ARMC2: variants seen among roughly 807,000 people sequenced by gnomAD.
ARMC2 encodes the protein armadillo repeat containing 2.
ARMC2 carries 67 observed loss-of-function variants against 90.3 expected under a neutral mutation model. That is an observed-to-expected ratio of 0.74 (90% CI 0.61 to 0.91). The LOEUF is 0.91. Among genes scored for constraint, ARMC2 ranks in the 40% least tolerant of loss-of-function variants. ARMC2 has a pLI of 0.00. For synonymous variants in ARMC2, 393 were observed against 393.0 expected (o/e 1.00, Z 0.00); for missense variants, 920 against 1,030.9 (o/e 0.89, Z 1.47).
chr6:108,942,176 C>T (rs140962297), intron 12 of ARMC2, among the ~76,000 whole-genome samples: 1 of 152,306 alleles, frequency 6.6e-6, no homozygotes, highest in East Asian at 1.9e-4. Context: ...AAAGTAAGCT[C>T]ATAAGTGCTG....
At chr6:108,885,937 T>C (rs1778054610) in intron 5 of ARMC2, among the ~76,000 whole-genome samples, 2 of 152,236 alleles carry the variant, frequency 1.3e-5, no homozygotes, top group East Asian at 1.9e-4. Flanking sequence ...TTTTACCTAT[T>C]GTCCATGGCC....
chr6:109,032,344 C>T, the ARMC2 span, among the ~76,000 whole-genome samples: 5 of 152,212 alleles, frequency 3.3e-5, no homozygotes, highest in African/African-American at 9.6e-5. Flanking sequence ...TAAGGCTGGG[C>T]GCAGTGGCTC....
chr6:108,985,833 T>TATTC, the ARMC2 span, among the ~76,000 whole-genome samples: 1 of 152,364 alleles, frequency 6.6e-6, no homozygotes, highest in African/African-American at 2.4e-5. Flanking sequence ...GCATGATGCA[T>TATTC]ATTCAATGAG....
the ARMC2 span, chr6:108,998,852 TCATA>T: frequency 2.2e-6 from 3 of 1,372,344 alleles, no homozygotes; most frequent in Non-Finnish European, 2.9e-6. Flanking sequence ...ACATGAGTCA[TCATA>T]CAAAGCCTAG....
chr6:109,008,868 G>A, the ARMC2 span: 6 of 985,882 alleles, frequency 6.1e-6, no homozygotes, highest in Non-Finnish European at 7.2e-6. Context: ...TCTTCCCTGA[G>A]TCAAATGTGT....
the ARMC2 span, chr6:108,988,522 T>C: frequency 6.3e-7 from 1 of 1,583,298 alleles, no homozygotes; most frequent in East Asian, 2.3e-5. Context: ...ACAAAGTAAA[T>C]AAGCCACAAT....
At chr6:109,027,337 C>T in the ARMC2 span, among the ~76,000 whole-genome samples, 1 of 151,646 alleles carries the variant, frequency 6.6e-6, no homozygotes, top group Non-Finnish European at 1.5e-5. Context: ...TTTAGCCAGA[C>T]TTGGTGGCAT....
At chr6:108,912,226 T>C (rs1773509599) in intron 9 of ARMC2, 109 bp from the exon 10 acceptor site, 1 of 802,436 alleles carries the variant, frequency 1.2e-6, no homozygotes, top group Admixed American at 3.1e-5. Context: ...ATGTAGATTT[T>C]GATAAATATA....
chr6:108,966,432 A>G (rs1003153915), intron 17 of ARMC2, among the ~76,000 whole-genome samples: 1 of 152,212 alleles, frequency 6.6e-6, no homozygotes, highest in African/African-American at 2.4e-5. Flanking sequence ...TGCCTGCTGC[A>G]TAGCAAGTCC....
chr6:108,987,346 C>A, the ARMC2 span: 1 of 483,294 alleles, frequency 2.1e-6, no homozygotes, highest in Non-Finnish European at 3.7e-6. Context: ...CTTCACAGCT[C>A]TAAACTTGAA....
chr6:108,990,339 A>C, the ARMC2 span, among the ~76,000 whole-genome samples: 1 of 152,232 alleles, frequency 6.6e-6, no homozygotes, highest in Admixed American at 6.5e-5. Context: ...AAGAGAAAAG[A>C]TACTAAAGGT....
chr6:108,977,895 CTTT>C (rs1779015747), downstream of ARMC2, among the ~76,000 whole-genome samples: 1 of 151,998 alleles, frequency 6.6e-6, no homozygotes, highest in Non-Finnish European at 1.5e-5. Flanking sequence ...CTTTATTCTT[CTTT>C]ATTAGTCTGG....
At chr6:109,017,679 T>C in the ARMC2 span, among the ~76,000 whole-genome samples, 1 of 152,170 alleles carries the variant, frequency 6.6e-6, no homozygotes, top group Non-Finnish European at 1.5e-5. Flanking sequence ...ACATAAATCA[T>C]ACAGATTAGC....
intron 15 of ARMC2, among the ~76,000 whole-genome samples, chr6:108,962,517 T>A (rs772699133): frequency 2.0e-5 from 3 of 152,228 alleles, no homozygotes; most frequent in Non-Finnish European, 2.9e-5. Context: ...TTCATTATGG[T>A]ATATTCATGC....
the ARMC2 span, among the ~76,000 whole-genome samples, chr6:108,996,694 C>CT: frequency 1.3e-5 from 2 of 151,882 alleles, no homozygotes; most frequent in African/African-American, 2.4e-5. Flanking sequence ...TAAGAAAACT[C>CT]TTTTTTCTTT....
At chr6:108,891,456 A>AGTT (rs1440553331) in intron 5 of ARMC2, among the ~76,000 whole-genome samples, 2 of 152,212 alleles carry the variant, frequency 1.3e-5, no homozygotes, top group Non-Finnish European at 2.9e-5. Flanking sequence ...ACCTGGAGTG[A>AGTT]GATGATATCT....
rs529190683 is a variant in ARMC2, at chr6:108,851,169, A to G, written c.-44+2623A>G. ...ATTTTCAGAGTTCCCTCTTGTCCAC[A>G]CACACCCTGTATGTCTTGATGCTCT... is the stretch of plus-strand genomic sequence containing the variant. On this transcript the variant is annotated intron_variant, in intron 1 of 17. Coordinates refer to ENST00000392644, the MANE Select transcript of ARMC2 (RefSeq NM_032131.6). Among the ~76,000 whole-genome samples, 16 of 152,122 alleles carry G rather than the reference A, an allele frequency of 1.1e-4. 1 individual carries two copies. Among genetic ancestry groups the G allele is most frequent in the African/African-American group, 3.6e-4 (15 of 41,502 alleles).
intron 11 of ARMC2, among the ~76,000 whole-genome samples, chr6:108,930,111 G>C (rs561271776): frequency 6.7e-6 from 1 of 149,670 alleles, no homozygotes; most frequent in Non-Finnish European, 1.5e-5. Context: ...CTGGGCAACA[G>C]AGCAAGACCC....
the ARMC2 span, among the ~76,000 whole-genome samples, chr6:109,034,997 T>C: frequency 3.9e-5 from 6 of 152,238 alleles, no homozygotes; most frequent in African/African-American, 1.4e-4. Context: ...AAGTGAAATC[T>C]GAATTTCAAT....
Sources: allele counts gnomAD v4.1 joint callset (sites outside exome capture counted in the v4.1 genomes callset), GRCh38; gene constraint gnomAD v4.1.1; transcripts MANE v1.5; gene names NCBI Gene and HGNC (gene_info 2026-07-23, HGNC 2026-07-21).